ATG7: variants seen among roughly 807,000 people sequenced by gnomAD.
ATG7 encodes the protein autophagy related 7.
A neutral mutation model predicts 82.4 loss-of-function variants in ATG7; 70 were observed. The ratio of observed to expected loss-of-function variants is 0.85; its 90% CI spans 0.70 to 1.04. ATG7 has a LOEUF of 1.04. Among genes scored for constraint, ATG7 ranks in the 50% least tolerant of loss-of-function variants. The pLI is 0.00. For synonymous variants in ATG7, 287 were observed against 313.0 expected, an observed-to-expected ratio of 0.92 and a Z score of 0.88; for missense variants, 792 against 864.3, an observed-to-expected ratio of 0.92 and a Z score of 1.05.
At chr3:11,381,368 T>C (rs1399538502) in intron 19 of ATG7, among the ~76,000 whole-genome samples, 1 of 152,258 alleles carries the variant, frequency 6.6e-6, no homozygotes, top group Non-Finnish European at 1.5e-5. Context: ...ATTTTCATAC[T>C]GAAATCATTT....
intron 14 of ATG7, among the ~76,000 whole-genome samples, chr3:11,349,459 C>G (rs1357658363): frequency 3.9e-5 from 6 of 152,074 alleles, no homozygotes; most frequent in Non-Finnish European, 1.5e-5. Flanking sequence ...ATTGCTTGAG[C>G]CTAGGTGGTC....
intron 20 of ATG7, among the ~76,000 whole-genome samples, chr3:11,459,509 T>C (rs893217107): frequency 5.5e-4 from 83 of 152,098 alleles, no homozygotes; most frequent in African/African-American, 1.9e-3. Context: ...TTTTTTTTTT[T>C]TTAAGTGATT....
chr3:11,568,844 C>T, the ATG7 span: 160 of 1,390,628 alleles, frequency 1.2e-4, 3 homozygotes, highest in South Asian at 2.3e-3. The surrounding 1 kb of genome is among the most constrained non-coding windows in gnomAD (Gnocchi z 5.9). Context: ...TGAGTGGCTC[C>T]GTGCCAGGCC....
chr3:11,398,074 ACT>A (rs1360351959), intron 19 of ATG7, among the ~76,000 whole-genome samples: 2 of 148,208 alleles, frequency 1.3e-5, no homozygotes, highest in Admixed American at 6.7e-5. Flanking sequence ...ACAGAGCAAG[ACT>A]CTGTCTCCAA....
intron 20 of ATG7, among the ~76,000 whole-genome samples, chr3:11,519,042 A>G (rs1378253890): frequency 1.3e-5 from 2 of 152,170 alleles, no homozygotes; most frequent in East Asian, 1.9e-4. Flanking sequence ...TTGATCTTCA[A>G]ACATTTTTTT....
chr3:11,497,875 T>C (rs890820993), intron 20 of ATG7, among the ~76,000 whole-genome samples: 1 of 152,152 alleles, frequency 6.6e-6, no homozygotes, highest in Non-Finnish European at 1.5e-5. Context: ...TTGACATAAA[T>C]GGTTCACGAA....
At position 11,551,647 on chromosome 3, in the gene ATG7, C is replaced by T. The variant is rs1045836840; in HGVS notation, c.2080-3164C>T. 2.0e-5 allele frequency among the ~76,000 whole-genome samples: 3 copies of T among 152,284 alleles called. No homozygotes were observed. The East Asian group carries it at 5.8e-4, about 29-fold the overall frequency. On this transcript the variant is annotated intron_variant, in intron 20 of 20. Transcript: ENST00000693202. Reference sequence around the variant, plus strand: ...GTCTTGCTCTATTGTCCAGGCTGGTCTCAAACTCCTGGCCTCAAGCAGTCC... The same window carrying T: ...GTCTTGCTCTATTGTCCAGGCTGGTTTCAAACTCCTGGCCTCAAGCAGTCC...
Position 11,288,192 on chromosome 3 carries a change from T to C in ATG7, c.-11+5754T>C, listed in dbSNP as rs192214832. ...GGCAAATAATCATCCAATATATGCT[T>C]GAACACTTCTGCTAATGGAGAACTC... On this transcript the variant is annotated intron_variant, in intron 3 of 20. Transcript: ENST00000693202. 2.8e-4 allele frequency among the ~76,000 whole-genome samples: 43 copies of C among 152,346 alleles called. 1 individual carries two copies. Among genetic ancestry groups the C allele is most frequent in the East Asian group, 1.9e-4 (1 of 5,188 alleles).
intron 18 of ATG7, among the ~76,000 whole-genome samples, chr3:11,372,493 G>A (rs982823312): frequency 1.3e-5 from 2 of 150,420 alleles, no homozygotes; most frequent in Admixed American, 1.3e-4. Context: ...ATAGTAAAAT[G>A]AACCCATTTT....
At chr3:11,409,905 G>C (rs1304071759) in intron 19 of ATG7, among the ~76,000 whole-genome samples, 1 of 152,012 alleles carries the variant, frequency 6.6e-6, no homozygotes, top group Non-Finnish European at 1.5e-5. Flanking sequence ...CTAATTCTGG[G>C]CTTTCTATTC....
At chr3:11,516,026 CT>C (rs1245730756) in intron 20 of ATG7, among the ~76,000 whole-genome samples, 2 of 144,980 alleles carry the variant, frequency 1.4e-5, no homozygotes, top group East Asian at 2.0e-4. Context: ...GCTCACATTC[CT>C]TTTTAAAAAA....
chr3:11,514,090 A>G (rs1359980119), intron 20 of ATG7, among the ~76,000 whole-genome samples: 1 of 152,150 alleles, frequency 6.6e-6, no homozygotes, highest in East Asian at 1.9e-4. Flanking sequence ...TGTTTAGTTT[A>G]ACACATGACT....
chr3:11,520,397 T>G (rs943979967), intron 20 of ATG7, among the ~76,000 whole-genome samples: 7 of 152,156 alleles, frequency 4.6e-5, no homozygotes. Flanking sequence ...TCCCTCCTAT[T>G]TTGAGGGATA....
intron 20 of ATG7, among the ~76,000 whole-genome samples, chr3:11,480,580 CA>C (rs149434069): frequency 2.0e-5 from 3 of 151,990 alleles, no homozygotes; most frequent in Non-Finnish European, 4.4e-5. Context: ...AAGAAACAGA[CA>C]AAAAAACCTT....
At chr3:11,559,337 G>A (rs748513541), downstream of ATG7, 12 of 1,542,092 alleles carry the variant, frequency 7.8e-6, no homozygotes, top group Middle Eastern at 1.8e-4. Context: ...CTCACCGCTC[G>A]GTGGCCTCCG....
At chr3:11,567,354 T>C in the ATG7 span, among the ~76,000 whole-genome samples, 1 of 152,306 alleles carries the variant, frequency 6.6e-6, no homozygotes, top group South Asian at 2.1e-4. Context: ...TGATTAGCTG[T>C]ACAGGACCCA....
chr3:11,480,251 T>C (rs1019462864), intron 20 of ATG7, among the ~76,000 whole-genome samples: 2 of 151,998 alleles, frequency 1.3e-5, no homozygotes, highest in African/African-American at 4.8e-5. Flanking sequence ...TTTTAAAACC[T>C]GTCTGGGTGT....
At chr3:11,409,550 T>G (rs1288009645) in intron 19 of ATG7, among the ~76,000 whole-genome samples, 7 of 152,230 alleles carry the variant, frequency 4.6e-5, no homozygotes, top group Admixed American at 4.6e-4. Context: ...TTTCAACTTA[T>G]AGTTGGTGTA....
intron 19 of ATG7, among the ~76,000 whole-genome samples, chr3:11,410,578 A>G (rs1295826445): frequency 1.3e-5 from 2 of 152,238 alleles, no homozygotes; most frequent in Admixed American, 6.5e-5. Flanking sequence ...ATAACCATCA[A>G]ACAATAACTC....
Sources: allele counts gnomAD v4.1 joint callset (sites outside exome capture counted in the v4.1 genomes callset), GRCh38; gene constraint gnomAD v4.1.1; non-coding constraint Gnocchi (gnomAD v3.1); transcripts MANE v1.5; gene names NCBI Gene and HGNC (gene_info 2026-07-23, HGNC 2026-07-21).